The following FUT9 variants were observed in gnomAD, a reference collection of about 807,000 sequenced individuals.
FUT9 encodes the protein fucosyltransferase 9, also known as 4-galactosyl-N-acetylglucosaminide 3-alpha-L-fucosyltransferase 9.
Under a neutral mutation model 29.7 loss-of-function variants are expected in FUT9, and 15 were observed. The ratio of observed to expected loss-of-function variants is 0.51; its 90% CI spans 0.34 to 0.78. FUT9 has a LOEUF of 0.78. Among genes scored for constraint, FUT9 ranks in the 30% least tolerant of loss-of-function variants. FUT9 has a pLI of 0.01. For missense variants in FUT9, 319 were observed against 425.4 expected, an observed-to-expected ratio of 0.75 and a Z score of 2.20; for synonymous variants, 169 against 153.7, an observed-to-expected ratio of 1.10 and a Z score of -0.74.
intron 2 of FUT9, among the ~76,000 whole-genome samples, chr6:96,153,000 A>G (rs12194563): frequency 0.15 from 22,129 of 152,206 alleles, 1,792 homozygotes; most frequent in Non-Finnish European, 0.18. Context: ...CCAATTAGGA[A>G]CAGTCCTAAA....
intron 1 of FUT9, among the ~76,000 whole-genome samples, chr6:96,108,092 A>G (rs2127959489): frequency 6.6e-6 from 1 of 151,994 alleles, no homozygotes; most frequent in African/African-American, 2.4e-5. Flanking sequence ...AGAAATGTCC[A>G]TTATTTCCCT....
intron 2 of FUT9, among the ~76,000 whole-genome samples, chr6:96,156,174 C>T (rs1431342930): frequency 6.6e-6 from 1 of 152,086 alleles, no homozygotes; most frequent in Non-Finnish European, 1.5e-5. Flanking sequence ...CACACTGGTC[C>T]CTGTAATTTT....
At chr6:96,150,382 G>A (rs1213539790) in intron 2 of FUT9, among the ~76,000 whole-genome samples, 2 of 152,158 alleles carry the variant, frequency 1.3e-5, no homozygotes, top group Non-Finnish European at 2.9e-5. Flanking sequence ...AAAGGAGAAG[G>A]AGGTGTGAGG....
At chr6:96,164,263 T>TTG (rs1274431076) in intron 2 of FUT9, among the ~76,000 whole-genome samples, 1 of 146,832 alleles carries the variant, frequency 6.8e-6, no homozygotes, top group Non-Finnish European at 1.5e-5. Flanking sequence ...CTTTTTTTTT[T>TTG]TTTTTTTTTT....
At chr6:96,060,141 G>A (rs1770847145) in intron 1 of FUT9, among the ~76,000 whole-genome samples, 1 of 152,102 alleles carries the variant, frequency 6.6e-6, no homozygotes, top group Non-Finnish European at 1.5e-5. Context: ...TAAACACAAG[G>A]AATGATCCTG....
intron 1 of FUT9, among the ~76,000 whole-genome samples, chr6:96,091,999 A>G (rs1294606411): frequency 1.3e-5 from 2 of 152,166 alleles, no homozygotes; most frequent in African/African-American, 2.4e-5. Context: ...CTATCAACAT[A>G]GATACAAAAA....
intron 2 of FUT9, among the ~76,000 whole-genome samples, chr6:96,123,871 G>A (rs1285623766): frequency 1.3e-5 from 2 of 151,740 alleles, no homozygotes; most frequent in South Asian, 2.1e-4. Flanking sequence ...GGAAGAGGGG[G>A]AAATAACTAG....
At chr6:96,156,849 T>A (rs184539549) in intron 2 of FUT9, among the ~76,000 whole-genome samples, 36 of 152,308 alleles carry the variant, frequency 2.4e-4, no homozygotes, top group African/African-American at 8.7e-4. Flanking sequence ...AAATGAAATA[T>A]CTCCTTTTTA....
chr6:96,183,105 A>G (rs1773339741), intron 2 of FUT9, among the ~76,000 whole-genome samples: 1 of 152,012 alleles, frequency 6.6e-6, no homozygotes, highest in Non-Finnish European at 1.5e-5. Context: ...TGTGTTGTCT[A>G]TGATTTCTTT....
intron 1 of FUT9, among the ~76,000 whole-genome samples, chr6:96,096,078 T>C (rs1189221250): frequency 1.3e-5 from 2 of 152,170 alleles, no homozygotes; most frequent in Admixed American, 1.3e-4. Flanking sequence ...CTATACAATG[T>C]CTCTACTTGG....
At chr6:96,018,059 G>C (rs919794261) in intron 1 of FUT9, among the ~76,000 whole-genome samples, 1 of 152,202 alleles carries the variant, frequency 6.6e-6, no homozygotes, top group Non-Finnish European at 1.5e-5. Context: ...GTGGTTTTAA[G>C]TAAATGTGGA....
intron 2 of FUT9, among the ~76,000 whole-genome samples, chr6:96,178,742 G>A (rs763051267): frequency 6.6e-6 from 1 of 151,926 alleles, no homozygotes; most frequent in East Asian, 1.9e-4. Context: ...TAAATGGAAG[G>A]AATATGAACT....
intron 1 of FUT9, among the ~76,000 whole-genome samples, chr6:96,064,139 G>A (rs1770922333): frequency 6.6e-6 from 1 of 152,076 alleles, no homozygotes; most frequent in African/African-American, 2.4e-5. Context: ...GCTAGCTCAG[G>A]ATTAACCATT....
At chr6:96,095,054 C>T (rs181459046) in intron 1 of FUT9, among the ~76,000 whole-genome samples, 7 of 152,170 alleles carry the variant, frequency 4.6e-5, no homozygotes, top group East Asian at 3.9e-4. Flanking sequence ...GGAACACCTA[C>T]GTCCTCTTCG....
rs977712943 is a variant in FUT9 at position 96,203,303 on chromosome 6, A to G, written c.148A>G (p.Met50Val). Residue 50 changes from methionine (M) to valine (V), a missense_variant, in exon 3 of 3, where the codon ATG becomes GTG. Coordinates refer to ENST00000302103, the MANE Select transcript of FUT9 (RefSeq NM_006581.4). ...PMESASSVLKMKNFFSTKTDY... is the reference protein window; with the variant it reads ...PMESASSVLKVKNFFSTKTDY... Reference sequence around the variant, plus strand: ...GGAATCAGCCAGCTCTGTGCTGAAAATGAAAAACTTCTTTTCCACCAAAAC... The same window carrying G: ...GGAATCAGCCAGCTCTGTGCTGAAAGTGAAAAACTTCTTTTCCACCAAAAC... The G allele has an allele frequency of 3.1e-6, 5 of 1,613,904 alleles. No individual in the cohort carries two copies. Among genetic ancestry groups the G allele is most frequent in the Admixed American group, 1.7e-5 (1 of 59,948 alleles).
At chr6:96,189,524 TTA>T in intron 2 of FUT9, among the ~76,000 whole-genome samples, 1 of 152,252 alleles carries the variant, frequency 6.6e-6, no homozygotes, top group South Asian at 2.1e-4. Flanking sequence ...TCTCCCATTA[TTA>T]TTGTGTGGGA....
chr6:96,208,209 G>A lies in FUT9; in HGVS notation c.*3974G>A, dbSNP rs1344803562. 1 of 37,690 alleles carries A rather than the reference G, an allele frequency of 2.7e-5. No individual in the cohort carries two copies. The highest frequency in any genetic ancestry group is 1.4e-3 in the Non-Finnish European group (1 of 722). 2.3% of individuals were successfully genotyped at this position (37,690 alleles called of 1,614,324 possible). A position where few individuals can be genotyped will look rare whatever the true frequency, so the allele number is the denominator to read the frequency against. ...TAAAAGAATAGGAAACTATGCCTCT[G>A]ATATTTTTTTTGTCAGCCTATTTTT... is the stretch of plus-strand genomic sequence containing the variant. On this transcript the variant is annotated 3_prime_UTR_variant, in exon 3 of 3. Transcript: ENST00000302103.
chr6:96,095,384 A>T (rs780115948), intron 1 of FUT9, among the ~76,000 whole-genome samples: 2 of 151,666 alleles, frequency 1.3e-5, no homozygotes, highest in South Asian at 2.1e-4. Context: ...TGCCTGATTG[A>T]CTCCTTTCCT....
intron 2 of FUT9, among the ~76,000 whole-genome samples, chr6:96,171,177 C>A (rs1773105980): frequency 6.6e-6 from 1 of 152,180 alleles, no homozygotes; most frequent in Admixed American, 6.5e-5. Flanking sequence ...AAGCCCATGG[C>A]ACATTCTGAG....
Sources: allele counts gnomAD v4.1 joint callset (sites outside exome capture counted in the v4.1 genomes callset), GRCh38; gene constraint gnomAD v4.1.1; transcripts MANE v1.5; gene names NCBI Gene and HGNC (gene_info 2026-07-23, HGNC 2026-07-21).